Variants in AGFG2 observed in about 807,000 individuals in gnomAD.
The protein encoded by AGFG2 is arf-GAP domain and FG repeat-containing protein 2.
Under a neutral mutation model 48.0 loss-of-function variants are expected in AGFG2, and 31 were observed. That is an observed-to-expected ratio of 0.65 (90% CI 0.49 to 0.87). The LOEUF is 0.87. AGFG2 is among the 40% of genes least tolerant of loss of function. The probability of loss-of-function intolerance (pLI) is 0.00; values close to 1 mark genes in which losing one functional copy is unlikely to be tolerated. For synonymous variants in AGFG2, 229 were observed against 260.8 expected (o/e 0.88, Z 1.18); for missense variants, 599 against 632.6 (o/e 0.95, Z 0.57).
chr7:100,547,716 A>G (rs560381633), intron 1 of AGFG2, among the ~76,000 whole-genome samples: 1 of 152,350 alleles, frequency 6.6e-6, no homozygotes, highest in South Asian at 2.1e-4. Context: ...CAGGGAGTTA[A>G]CAGAACATAC....
rs1198396471 is a variant in AGFG2 at position 100,562,965 on chromosome 7, C to T, written c.1171+19C>T. The T allele has an allele frequency of 1.2e-6, 2 of 1,606,230 alleles. No individual in the cohort carries two copies. Among genetic ancestry groups the T allele is most frequent in the Non-Finnish European group, 1.7e-6 (2 of 1,173,904 alleles). On this transcript the variant is annotated intron_variant, in intron 9 of 11. Transcript: ENST00000300176. The surrounding 1 kb of genome is among the most constrained non-coding windows in gnomAD (Gnocchi z 5.4). ...GCGCCAGGTAAGCCTCCAGCATGGT[C>T]CCTTGTCCTGACCATCTGAGACTTC...
intron 1 of AGFG2, among the ~76,000 whole-genome samples, chr7:100,548,132 G>A: frequency 6.6e-6 from 1 of 152,088 alleles, no homozygotes; most frequent in East Asian, 1.9e-4. Context: ...ACGTGTCTGA[G>A]TTCCCAGAAG....
Position 100,539,568 on chromosome 7 carries a change from G to A in AGFG2, c.221+1G>A. ...TGTGCACCACCTGCTCCGGCCTCCT[G>A]TGAGTGACCGGGAGGGAGTGGCCGA... On this transcript the variant is annotated splice_donor_variant, in intron 1 of 11. Transcript: ENST00000300176. LOFTEE classifies it high-confidence loss of function. The A allele has an allele frequency of 8.0e-7, 1 of 1,244,566 alleles. No homozygotes were observed. The highest frequency in any genetic ancestry group is 1.0e-6 in the Non-Finnish European group (1 of 986,526). The allele number at this position is 1,244,566 out of a possible 1,614,324, so 77.1% of individuals were successfully genotyped here. A position where few individuals can be genotyped will look rare whatever the true frequency, so the allele number is the denominator to read the frequency against.
At chr7:100,554,932 C>T (rs1218942857) in intron 5 of AGFG2, among the ~76,000 whole-genome samples, 29 of 123,910 alleles carry the variant, frequency 2.3e-4, no homozygotes, top group Middle Eastern at 6.0e-3. Flanking sequence ...AGTGAGACTC[C>T]GTCTCAAAAA....
intron 3 of AGFG2, among the ~76,000 whole-genome samples, chr7:100,551,910 AAGT>A (rs1800655405): frequency 1.3e-5 from 2 of 148,984 alleles, no homozygotes; most frequent in Admixed American, 6.7e-5. Flanking sequence ...AAAAAAAAAA[AAGT>A]AGGGAACACA....
chr7:100,539,557 T>G lies in AGFG2; in HGVS notation c.211T>G (p.Ser71Ala). Residue 71 changes from serine (S) to alanine (A), a missense_variant, in exon 1 of 12, where the codon TCC (serine) becomes GCC (alanine). Physicochemically the swap from Ser to Ala is moderately conservative, Grantham distance 99 (BLOSUM62 1). Coordinates refer to ENST00000300176, the MANE Select transcript of AGFG2 (RefSeq NM_006076.5). ...TVGSFVCTTC[S>A]GLLRGLNPPH... ...GGGCAGCTTCGTGTGCACCACCTGC[T>G]CCGGCCTCCTGTGAGTGACCGGGAG... 1 of 1,012,848 alleles carries G rather than the reference T, an allele frequency of 9.9e-7. No individual in the cohort carries two copies. The highest frequency in any genetic ancestry group is 1.2e-6 in the Non-Finnish European group (1 of 840,258). 62.7% of individuals were successfully genotyped at this position (1,012,848 alleles called of 1,614,324 possible). A position where few individuals can be genotyped will look rare whatever the true frequency, so the allele number is the denominator to read the frequency against.
chr7:100,551,359 C>G (rs1355195888), intron 3 of AGFG2, among the ~76,000 whole-genome samples: 3 of 149,886 alleles, frequency 2.0e-5, no homozygotes, highest in Non-Finnish European at 4.4e-5. Flanking sequence ...TGAGCCACTG[C>G]GCCCGGCCTT....
intron 3 of AGFG2, among the ~76,000 whole-genome samples, chr7:100,552,153 G>C (rs1800660536): frequency 6.6e-6 from 1 of 151,752 alleles, no homozygotes; most frequent in Admixed American, 6.6e-5. Context: ...GGCTGAGGCA[G>C]AGAACTGCTT....
At position 100,539,462 on chromosome 7, in the gene AGFG2, G is replaced by C. The variant is rs78279132; in HGVS notation, c.116G>C (p.Cys39Ser). 54,624 of 1,319,700 alleles carry C rather than the reference G, an allele frequency of 0.041. 1,341 individuals carry two copies. Among genetic ancestry groups the C allele is most frequent in the South Asian group, 0.081 (3,867 of 47,948 alleles). The allele number at this position is 1,319,700 out of a possible 1,614,324, so 81.7% of individuals were successfully genotyped here. ...WCRRVRELGG[C>S]SQAGNRHCFE... ...CGTCGGGTGCGGGAGCTGGGTGGCT[G>C]CAGCCAGGCCGGGAACCGCCACTGC... The change falls in exon 1 of 12, where the codon TGC becomes TCC. Residue 39 changes from cysteine (C) to serine (S), a missense_variant. Cys to Ser is a moderately radical substitution (Grantham distance 112, BLOSUM62 -1). Coordinates refer to ENST00000300176, the MANE Select transcript of AGFG2 (RefSeq NM_006076.5).
At chr7:100,553,928 T>C (rs1427418921) in intron 4 of AGFG2, among the ~76,000 whole-genome samples, 165 bp from the exon 5 acceptor site, 8 of 152,158 alleles carry the variant, frequency 5.3e-5, no homozygotes, top group Non-Finnish European at 1.0e-4. Flanking sequence ...ATATGAGCTC[T>C]GAGAGGGGCT....
chr7:100,539,611 C>G, intron 1 of AGFG2, 44 bp downstream of exon 1: 1 of 896,532 alleles, frequency 1.1e-6, no homozygotes, highest in Non-Finnish European at 1.4e-6. Flanking sequence ...GTGGGGGGAC[C>G]CGGGGGCGGG....
rs778847508 is a variant in AGFG2 at position 100,568,191 on chromosome 7, G to C, written c.*3200G>C. 6.5e-6 allele frequency: 1 copy of C among 152,720 alleles called. No individual in the cohort carries two copies. The highest frequency in any genetic ancestry group is 1.5e-5 in the Non-Finnish European group (1 of 68,108). 9.5% of individuals were successfully genotyped at this position (152,720 alleles called of 1,614,324 possible). A position where few individuals can be genotyped will look rare whatever the true frequency, so the allele number is the denominator to read the frequency against. Reference sequence around the variant, plus strand: ...GACCTGGTTGATGGGGAGTGGGAAGGGGAAGGAATAAAGAGATCTTCCTCA... The same window carrying C: ...GACCTGGTTGATGGGGAGTGGGAAGCGGAAGGAATAAAGAGATCTTCCTCA... On this transcript the variant is annotated 3_prime_UTR_variant, in exon 12 of 12. Transcript: ENST00000300176.
chr7:100,544,684 C>T (rs773832014), intron 1 of AGFG2, among the ~76,000 whole-genome samples: 28 of 122,176 alleles, frequency 2.3e-4, no homozygotes, highest in Non-Finnish European at 3.3e-4. Flanking sequence ...TGAAAAGCCC[C>T]GAAGGAAGTG....
chr7:100,562,625 C>T lies in AGFG2; in HGVS notation c.1030C>T (p.Leu344Phe). The change falls in exon 8 of 12, where the codon CTC becomes TTC. Residue 344 changes from leucine (L) to phenylalanine (F), a missense_variant. By Grantham distance (22) the Leu-to-Phe change is conservative (BLOSUM62 0). Transcript: ENST00000300176. The surrounding 1 kb of genome is among the most constrained non-coding windows in gnomAD (Gnocchi z 5.4). ...LFGMAGQVPP[L>F]QSVTMGGGGG... is the part of the protein sequence containing the mutation. Reference sequence around the variant, plus strand: ...CGGGATGGCTGGCCAGGTCCCCCCGCTCCAGTCTGTCACGATGGGCGGCGG... The same window carrying T: ...CGGGATGGCTGGCCAGGTCCCCCCGTTCCAGTCTGTCACGATGGGCGGCGG... The T allele has an allele frequency of 6.2e-7, 1 of 1,612,698 alleles. No individual in the cohort carries two copies. Among genetic ancestry groups the T allele is most frequent in the Non-Finnish European group, 8.5e-7 (1 of 1,179,978 alleles).
intron 1 of AGFG2, among the ~76,000 whole-genome samples, chr7:100,541,528 A>G (rs1485106700): frequency 6.6e-6 from 1 of 152,114 alleles, no homozygotes; most frequent in Non-Finnish European, 1.5e-5. Flanking sequence ...TAGGAGGCCA[A>G]GGTGAGCAGA....
At chr7:100,543,222 G>A (rs982275767) in intron 1 of AGFG2, among the ~76,000 whole-genome samples, 4 of 151,954 alleles carry the variant, frequency 2.6e-5, no homozygotes, top group African/African-American at 9.7e-5. Flanking sequence ...ACACCACCAC[G>A]CCCAGCTAAT....
At chr7:100,543,613 A>T (rs1800463120) in intron 1 of AGFG2, among the ~76,000 whole-genome samples, 1 of 152,244 alleles carries the variant, frequency 6.6e-6, no homozygotes, top group Admixed American at 6.5e-5. Context: ...GGTTCCAGCC[A>T]AAGTTGAATT....
In AGFG2 at chr7:100,562,350, C is replaced by G. The variant is rs751380761; in HGVS notation, c.969C>G (p.Pro323=). The part of the protein sequence containing the change: ...SLADVGSFLG[P]GVPAAGVPSS... Reference sequence around the variant, plus strand: ...CAGACGTGGGCAGCTTCCTGGGACCCGGGGTGCCCGCTGCAGGTGTTCCTA... The same window carrying G: ...CAGACGTGGGCAGCTTCCTGGGACCGGGGGTGCCCGCTGCAGGTGTTCCTA... Residue 323 remains proline, a synonymous_variant, in exon 7 of 12, where the codon CCC becomes CCG. Transcript: ENST00000300176. The surrounding 1 kb of genome is among the most constrained non-coding windows in gnomAD (Gnocchi z 5.4). 3 of 1,613,898 alleles carry G rather than the reference C, an allele frequency of 1.9e-6. No individual in the cohort carries two copies. Among genetic ancestry groups the G allele is most frequent in the African/African-American group, 2.7e-5 (2 of 74,922 alleles).
chr7:100,539,261 C>T lies in AGFG2; in HGVS notation c.-86C>T, dbSNP rs1800369782. ...GCTCCCGAGCTTCTGTCAGGGGAGC[C>T]GGGCGTGCGGAGGCGGCTGAGGAGG... is the stretch of plus-strand genomic sequence containing the variant. On this transcript the variant is annotated 5_prime_UTR_variant, in exon 1 of 12. Transcript: ENST00000300176. The T allele has an allele frequency of 1.7e-5, 21 of 1,235,804 alleles. No individual in the cohort carries two copies. In the South Asian group the frequency reaches 5.0e-4, roughly 30 times the overall value. 76.6% of individuals were successfully genotyped at this position (1,235,804 alleles called of 1,614,324 possible). A position where few individuals can be genotyped will look rare whatever the true frequency, so the allele number is the denominator to read the frequency against.
Sources: allele counts gnomAD v4.1 joint callset (sites outside exome capture counted in the v4.1 genomes callset), GRCh38; gene constraint gnomAD v4.1.1; non-coding constraint Gnocchi (gnomAD v3.1); transcripts MANE v1.5; gene names NCBI Gene and HGNC (gene_info 2026-07-23, HGNC 2026-07-21).